Variants in TANGO6 observed in about 807,000 individuals in gnomAD.
TANGO6 encodes the protein transport and golgi organization 6 homolog.
In TANGO6, 90 loss-of-function variants were observed where a neutral mutation model predicts 114.2. The observed-to-expected ratio is 0.79, with a 90% CI of 0.66 to 0.94. TANGO6 has a LOEUF of 0.94. Among genes scored for constraint, TANGO6 ranks in the 40% least tolerant of loss-of-function variants. The pLI is 0.00. For synonymous variants in TANGO6, 477 were observed against 509.8 expected (o/e 0.94, Z 0.87); for missense variants, 1,274 against 1,315.3 (o/e 0.97, Z 0.49).
chr16:68,900,287 A>G (rs892083265), intron 7 of TANGO6, 147 bp from the exon 8 acceptor site: 16 of 643,690 alleles, frequency 2.5e-5, no homozygotes, highest in Admixed American at 5.8e-5. Context: ...TCATTGCCAT[A>G]TCTGAGCACA....
chr16:68,910,903 C>T (rs948995055), intron 11 of TANGO6, among the ~76,000 whole-genome samples: 3 of 152,124 alleles, frequency 2.0e-5, no homozygotes, highest in Non-Finnish European at 2.9e-5. Flanking sequence ...TCTTGAACTC[C>T]TGACCTCAGG....
intron 15 of TANGO6, among the ~76,000 whole-genome samples, chr16:69,020,910 G>A (rs113044257): frequency 2.4e-4 from 13 of 53,314 alleles, no homozygotes; most frequent in Non-Finnish European, 5.4e-4. Flanking sequence ...ATGTATGTGT[G>A]TGTGTGTGTG....
At chr16:68,869,581 C>G (rs1962234601) in intron 4 of TANGO6, among the ~76,000 whole-genome samples, 1 of 152,228 alleles carries the variant, frequency 6.6e-6, no homozygotes, top group African/African-American at 2.4e-5. Flanking sequence ...ATCCTGGTTA[C>G]CTTCTACTCA....
At chr16:68,947,834 C>A (rs532929799) in intron 14 of TANGO6, among the ~76,000 whole-genome samples, 2 of 152,000 alleles carry the variant, frequency 1.3e-5, no homozygotes, top group African/African-American at 4.8e-5. Flanking sequence ...TCAGGTGATC[C>A]GCCTGCCCCG....
chr16:68,876,272 C>T (rs1962358123), intron 5 of TANGO6, among the ~76,000 whole-genome samples: 1 of 152,038 alleles, frequency 6.6e-6, no homozygotes, highest in South Asian at 2.1e-4. Flanking sequence ...AGCGATTCTC[C>T]TGCCTCAGCC....
chr16:69,009,186 A>C (rs1386718965), intron 15 of TANGO6, among the ~76,000 whole-genome samples: 1 of 141,188 alleles, frequency 7.1e-6, no homozygotes. Context: ...GGTTCAAGCG[A>C]TTCTCCTGTC....
Position 68,878,244 on chromosome 16 carries a change from G to C in TANGO6, c.1258G>C (p.Val420Leu). Reference protein sequence around the residue: ...HLAAKYLLQPVLAPLHRCLNT... With the variant: ...HLAAKYLLQPLLAPLHRCLNT... Reference sequence around the variant, plus strand: ...GGCAGCAAAGTATTTGCTCCAGCCAGTGTTAGCTCCTCTTCATCGATGTTT... The same window carrying C: ...GGCAGCAAAGTATTTGCTCCAGCCACTGTTAGCTCCTCTTCATCGATGTTT... Residue 420 changes from valine (V) to leucine (L), a missense_variant, in exon 6 of 18, where the codon GTG becomes CTG. By Grantham distance (32) the Val-to-Leu change is conservative. Transcript: ENST00000261778. The C allele has an allele frequency of 6.2e-7, 1 of 1,611,898 alleles. No homozygotes were observed. The highest frequency in any genetic ancestry group is 8.5e-7 in the Non-Finnish European group (1 of 1,179,144).
intron 14 of TANGO6, among the ~76,000 whole-genome samples, chr16:68,942,016 G>C (rs1487002367): frequency 6.6e-6 from 1 of 151,962 alleles, no homozygotes; most frequent in Non-Finnish European, 1.5e-5. Flanking sequence ...TTTAACCAGC[G>C]TGATAATCAA....
chr16:68,882,977 C>T (rs1057176858), intron 7 of TANGO6, among the ~76,000 whole-genome samples: 3 of 152,130 alleles, frequency 2.0e-5, no homozygotes, highest in African/African-American at 7.2e-5. Flanking sequence ...GAGATTGTGC[C>T]ACTGTACTCC....
At chr16:69,037,732 G>GTTT (rs1959712563) in intron 16 of TANGO6, among the ~76,000 whole-genome samples, 1 of 152,206 alleles carries the variant, frequency 6.6e-6, no homozygotes, top group South Asian at 2.1e-4. Context: ...AGCTTGCTGG[G>GTTT]TCTTACTGAA....
intron 15 of TANGO6, among the ~76,000 whole-genome samples, chr16:69,017,232 G>A (rs1959315415): frequency 1.3e-5 from 2 of 152,196 alleles, no homozygotes; most frequent in South Asian, 2.1e-4. Context: ...TTATTGCTTG[G>A]TCAGTATTTT....
At chr16:68,872,943 T>C (rs549098363) in intron 4 of TANGO6, among the ~76,000 whole-genome samples, 1 of 151,964 alleles carries the variant, frequency 6.6e-6, no homozygotes, top group African/African-American at 2.4e-5. Context: ...CCTCAGGTGA[T>C]CCACCTGCCT....
Position 68,843,662 on chromosome 16 carries a change from C to G in TANGO6, c.45C>G (p.Cys15Trp). ...TGGGCAGCGGGGCTCAGGAGACATG[C>G]GGTCTGGATCGGATTTTGGAGGCAT... ...QAVGSGAQET[C>W]GLDRILEALK... The change falls in exon 1 of 18, where the codon TGC becomes TGG. Residue 15 changes from cysteine to tryptophan, a missense_variant. Transcript: ENST00000261778. 3 of 1,613,736 alleles carry G rather than the reference C, an allele frequency of 1.9e-6. No individual in the cohort carries two copies. Among genetic ancestry groups the G allele is most frequent in the Non-Finnish European group, 2.5e-6 (3 of 1,179,738 alleles).
chr16:68,919,107 C>T lies in TANGO6; in HGVS notation c.2015C>T (p.Thr672Ile). The change falls in exon 12 of 18, where the codon ACA becomes ATA. Residue 672 changes from threonine (T) to isoleucine (I), a missense_variant. Transcript: ENST00000261778. ...VTQVVDFVAA[T>I]LQRACASLAH... Reference sequence around the variant, plus strand: ...TAGGTGGTGGACTTTGTAGCAGCAACATTGCAGAGAGCCTGTGCAAGCCTG... The same window carrying T: ...TAGGTGGTGGACTTTGTAGCAGCAATATTGCAGAGAGCCTGTGCAAGCCTG... The T allele has an allele frequency of 2.5e-6, 4 of 1,613,082 alleles. No individual in the cohort carries two copies. The highest frequency in any genetic ancestry group is 2.5e-6 in the Non-Finnish European group (3 of 1,179,604).
At position 69,035,402 on chromosome 16, in the gene TANGO6, G is replaced by A. The variant is rs185001305; in HGVS notation, c.2995-4906G>A. The stretch of plus-strand genomic sequence containing the variant: ...TTAATAAAGGAAGCTTTAGGAAAAT[G>A]GATGAAGATGCAGTTGGAAAATTAA... On this transcript the variant is annotated intron_variant, in intron 16 of 17. Coordinates refer to ENST00000261778, the MANE Select transcript of TANGO6 (RefSeq NM_024562.2). The A allele has an allele frequency of 1.5e-3, 221 of 152,306 alleles. 2 individuals are homozygous for A. The highest frequency in any genetic ancestry group is 5.0e-3 in the African/African-American group (206 of 41,570). The allele number at this position is 152,306 out of a possible 1,614,324, so 9.4% of individuals were successfully genotyped here. A position where few individuals can be genotyped will look rare whatever the true frequency, so the allele number is the denominator to read the frequency against.
intron 11 of TANGO6, chr16:68,909,663 G>A: frequency 3.9e-6 from 1 of 258,322 alleles, no homozygotes. Flanking sequence ...TATATATTAT[G>A]TTATAGTAGT....
intron 14 of TANGO6, among the ~76,000 whole-genome samples, chr16:68,942,517 A>G (rs1422154155): frequency 6.6e-6 from 1 of 152,208 alleles, no homozygotes; most frequent in Admixed American, 6.5e-5. Flanking sequence ...TTTAGATAAC[A>G]TGGAAATCAA....
chr16:69,027,342 A>G (rs1959518914), intron 16 of TANGO6, among the ~76,000 whole-genome samples: 2 of 152,178 alleles, frequency 1.3e-5, no homozygotes, highest in African/African-American at 4.8e-5. Flanking sequence ...TAGGATTTTC[A>G]GGAAAGTTAC....
chr16:68,977,898 C>G (rs1166165526), intron 15 of TANGO6, among the ~76,000 whole-genome samples: 1 of 151,926 alleles, frequency 6.6e-6, no homozygotes, highest in Non-Finnish European at 1.5e-5. Flanking sequence ...GTTGGACAGG[C>G]CGGTCTCGAA....
Sources: allele counts gnomAD v4.1 joint callset (sites outside exome capture counted in the v4.1 genomes callset), GRCh38; gene constraint gnomAD v4.1.1; transcripts MANE v1.5; gene names NCBI Gene and HGNC (gene_info 2026-07-23, HGNC 2026-07-21).